The following MAP3K5 variants were observed in gnomAD, a reference collection of about 807,000 sequenced individuals.
MAP3K5 encodes the protein mitogen-activated protein kinase kinase kinase 5.
A neutral mutation model predicts 158.7 loss-of-function variants in MAP3K5; 56 were observed. The observed-to-expected ratio is 0.35, with a 90% CI of 0.28 to 0.44. The LOEUF is 0.44. Among genes scored for constraint, MAP3K5 ranks in the 20% least tolerant of loss-of-function variants. MAP3K5 has a pLI of 1.00. For missense variants in MAP3K5, 1,294 were observed against 1,674.8 expected, an observed-to-expected ratio of 0.77 and a Z score of 3.97; for synonymous variants, 579 against 601.7, an observed-to-expected ratio of 0.96 and a Z score of 0.55.
chr6:136,752,566 C>T (rs562853615), intron 1 of MAP3K5, among the ~76,000 whole-genome samples: 26 of 152,180 alleles, frequency 1.7e-4, no homozygotes, highest in Non-Finnish European at 3.5e-4. Flanking sequence ...CGCGTGCCAC[C>T]ACACCCAGCT....
chr6:136,737,993 T>C (rs917235108), intron 1 of MAP3K5, among the ~76,000 whole-genome samples: 3 of 152,134 alleles, frequency 2.0e-5, no homozygotes, highest in Admixed American at 1.3e-4. Flanking sequence ...TTGCATAATA[T>C]AGGAGTTTCT....
intron 1 of MAP3K5, among the ~76,000 whole-genome samples, chr6:136,756,322 A>T (rs1377846775): frequency 6.6e-6 from 1 of 152,178 alleles, no homozygotes; most frequent in East Asian, 1.9e-4. Context: ...GTCTCAAAAA[A>T]ACAAAATGCA....
At chr6:136,736,843 G>GTTTTACA (rs907402269) in intron 1 of MAP3K5, among the ~76,000 whole-genome samples, 3 of 151,424 alleles carry the variant, frequency 2.0e-5, no homozygotes, top group African/African-American at 7.3e-5. Context: ...CCTGGTTAAT[G>GTTTTACA]TTTTACATAT....
At chr6:136,611,438 T>C in intron 17 of MAP3K5, 51 bp from the exon 18 acceptor site, 1 of 1,067,800 alleles carries the variant, frequency 9.4e-7, no homozygotes, top group Non-Finnish European at 1.4e-6. Context: ...TCAGATACTG[T>C]CTGTTGTTGA....
chr6:136,642,315 G>A (rs928018502), intron 12 of MAP3K5, among the ~76,000 whole-genome samples: 1 of 152,146 alleles, frequency 6.6e-6, no homozygotes, highest in Non-Finnish European at 1.5e-5. Context: ...CAGGAGCACA[G>A]AATCAGTTCA....
At chr6:136,758,961 C>T (rs1021535426) in intron 1 of MAP3K5, among the ~76,000 whole-genome samples, 2 of 152,104 alleles carry the variant, frequency 1.3e-5, no homozygotes, top group African/African-American at 4.8e-5. Context: ...TCACTTGAGG[C>T]CAGAAGTTTG....
intron 1 of MAP3K5, among the ~76,000 whole-genome samples, chr6:136,763,983 C>T (rs1208050040): frequency 2.6e-5 from 4 of 152,180 alleles, no homozygotes; most frequent in Non-Finnish European, 5.9e-5. Flanking sequence ...GCCCCCTTGA[C>T]CTTGGACTTC....
intron 1 of MAP3K5, among the ~76,000 whole-genome samples, chr6:136,785,784 C>T (rs993333444): frequency 3.3e-5 from 5 of 152,150 alleles, no homozygotes; most frequent in African/African-American, 1.2e-4. Flanking sequence ...AGATGCTACT[C>T]AGAGGTGGAT....
intron 18 of MAP3K5, 52 bp downstream of exon 18, chr6:136,611,230 G>C: frequency 9.0e-7 from 1 of 1,106,692 alleles, no homozygotes; most frequent in Non-Finnish European, 1.4e-6. Context: ...CTCAAACTCA[G>C]CAATTATTTC....
In MAP3K5 at chr6:136,592,743, T is replaced by C. The variant is rs778455617; in HGVS notation, c.2879-129A>G. On this transcript the variant is annotated intron_variant, in intron 21 of 29. Coordinates refer to ENST00000359015, the MANE Select transcript of MAP3K5 (RefSeq NM_005923.4). Reference sequence around the variant, plus strand: ...TGCAATGAGCAGCATAATTATGCTATGTAAGGGAACGGTCATGTGTTATGA... The same window carrying C: ...TGCAATGAGCAGCATAATTATGCTACGTAAGGGAACGGTCATGTGTTATGA... 6 of 838,988 alleles carry C rather than the reference T, an allele frequency of 7.2e-6. No homozygotes were observed. The Admixed American group carries it at 1.1e-4, about 16-fold the overall frequency. 52.0% of individuals were successfully genotyped at this position (838,988 alleles called of 1,614,324 possible). A position where few individuals can be genotyped will look rare whatever the true frequency, so the allele number is the denominator to read the frequency against.
intron 1 of MAP3K5, among the ~76,000 whole-genome samples, chr6:136,773,672 G>A (rs552428322): frequency 6.6e-6 from 1 of 152,106 alleles, no homozygotes; most frequent in Non-Finnish European, 1.5e-5. Context: ...TTCTGAGACA[G>A]AGTCTGGCTG....
At chr6:136,560,457 C>A (rs1361598464) in intron 28 of MAP3K5, among the ~76,000 whole-genome samples, 1 of 151,808 alleles carries the variant, frequency 6.6e-6, no homozygotes, top group Admixed American at 6.6e-5. Flanking sequence ...GCAGCCTGGG[C>A]GACAGAGTGA....
At chr6:136,606,808 C>G (rs970033682) in intron 18 of MAP3K5, among the ~76,000 whole-genome samples, 1 of 152,242 alleles carries the variant, frequency 6.6e-6, no homozygotes, top group Middle Eastern at 3.2e-3. Flanking sequence ...AGGAATGCCT[C>G]ATGCATGGTT....
chr6:136,719,049 A>G (rs1454400860), intron 2 of MAP3K5, among the ~76,000 whole-genome samples: 2 of 152,036 alleles, frequency 1.3e-5, no homozygotes, highest in Non-Finnish European at 2.9e-5. Context: ...GGTAGCATGC[A>G]TCTGTAGTCC....
intron 1 of MAP3K5, among the ~76,000 whole-genome samples, chr6:136,779,780 G>T (rs1057440962): frequency 6.6e-6 from 1 of 152,198 alleles, no homozygotes; most frequent in African/African-American, 2.4e-5. Flanking sequence ...TCCTGACTTG[G>T]TTATGGCCAC....
chr6:136,663,814 T>C (rs959375637), intron 8 of MAP3K5, among the ~76,000 whole-genome samples: 1 of 152,054 alleles, frequency 6.6e-6, no homozygotes, highest in African/African-American at 2.4e-5. Context: ...GGTTTCATCA[T>C]GTTGGGCAGG....
At chr6:136,763,706 G>GAACA (rs1562685350) in intron 1 of MAP3K5, among the ~76,000 whole-genome samples, 3 of 152,152 alleles carry the variant, frequency 2.0e-5, no homozygotes, top group African/African-American at 7.2e-5. Flanking sequence ...CTACTGCTGT[G>GAACA]GTTTGAACAG....
chr6:136,777,929 C>T (rs59122276), intron 1 of MAP3K5, among the ~76,000 whole-genome samples: 14,104 of 152,118 alleles, frequency 0.093, 1,261 homozygotes, highest in African/African-American at 0.24. Context: ...AGAAAAATAC[C>T]AAATTGAAAT....
intron 13 of MAP3K5, 146 bp downstream of exon 13, chr6:136,639,397 A>C: frequency 2.2e-6 from 1 of 446,272 alleles, no homozygotes; most frequent in Admixed American, 4.3e-5. Context: ...TAAATTTATG[A>C]TATAATTATA....
Sources: gnomAD v4.1 joint callset for allele counts (sites outside exome capture counted in the v4.1 genomes callset) on GRCh38, gnomAD v4.1.1 for gene constraint, MANE v1.5 for transcripts, NCBI Gene and HGNC (gene_info 2026-07-23, HGNC 2026-07-21) for gene names.